The following INPP5A variants were observed in gnomAD, a reference collection of about 807,000 sequenced individuals.
INPP5A encodes the protein 43 kDa inositol polyphosphate 5-phophatase.
In INPP5A, 14 loss-of-function variants were observed where a neutral mutation model predicts 65.2. That is an observed-to-expected ratio of 0.21 (90% CI 0.14 to 0.34). INPP5A has a LOEUF of 0.34. Among genes scored for constraint, INPP5A ranks in the 10% least tolerant of loss-of-function variants. The pLI is 1.00. For missense variants in INPP5A, 431 were observed against 545.6 expected, an observed-to-expected ratio of 0.79 and a Z score of 2.09; for synonymous variants, 207 against 208.3, an observed-to-expected ratio of 0.99 and a Z score of 0.05.
chr10:132,647,396 G>A (rs1199623066), intron 3 of INPP5A, among the ~76,000 whole-genome samples: 2 of 152,162 alleles, frequency 1.3e-5, no homozygotes, highest in Non-Finnish European at 2.9e-5. Context: ...GGGATTACAG[G>A]CATGAACCAC....
At chr10:132,677,815 A>G (rs2072987105) in intron 4 of INPP5A, among the ~76,000 whole-genome samples, 1 of 152,220 alleles carries the variant, frequency 6.6e-6, no homozygotes, top group South Asian at 2.1e-4. Context: ...TGGGGACACT[A>G]CATCCAAGAG....
intron 5 of INPP5A, among the ~76,000 whole-genome samples, chr10:132,693,406 C>T (rs1845299273): frequency 6.6e-6 from 1 of 152,094 alleles, no homozygotes; most frequent in Non-Finnish European, 1.5e-5. Context: ...AAATACCCAA[C>T]TATATGTTGT....
chr10:132,583,447 C>T (rs905672164), intron 1 of INPP5A, among the ~76,000 whole-genome samples: 2 of 151,944 alleles, frequency 1.3e-5, no homozygotes, highest in East Asian at 1.9e-4. Flanking sequence ...GGTGAGTCGG[C>T]GTGGGGAGCT....
At chr10:132,636,573 G>A (rs1363805587) in intron 2 of INPP5A, among the ~76,000 whole-genome samples, 3 of 152,206 alleles carry the variant, frequency 2.0e-5, no homozygotes, top group Non-Finnish European at 4.4e-5. Context: ...GGTTGTGGAC[G>A]CACAGCCACC....
intron 4 of INPP5A, among the ~76,000 whole-genome samples, chr10:132,654,035 G>A (rs1178442657): frequency 6.6e-6 from 1 of 152,260 alleles, no homozygotes; most frequent in Non-Finnish European, 1.5e-5. Flanking sequence ...GCACCAGGGC[G>A]GCTGAACAGG....
At chr10:132,688,507 C>T (rs183747652) in intron 4 of INPP5A, among the ~76,000 whole-genome samples, 484 of 152,358 alleles carry the variant, frequency 3.2e-3, no homozygotes, top group Non-Finnish European at 5.8e-3. Flanking sequence ...CGTAGGGCAG[C>T]ATCTCAGCAG....
chr10:132,660,253 G>A (rs2072718207), intron 4 of INPP5A, among the ~76,000 whole-genome samples: 2 of 152,208 alleles, frequency 1.3e-5, no homozygotes, highest in South Asian at 4.1e-4. Flanking sequence ...AAAAATCAAT[G>A]TTGAAAACTG....
chr10:132,634,283 G>A (rs141732788), intron 2 of INPP5A, among the ~76,000 whole-genome samples: 1 of 149,830 alleles, frequency 6.7e-6, no homozygotes, highest in African/African-American at 2.5e-5. Context: ...CCCCGGAGAG[G>A]CGTATCATCT....
chr10:132,774,042 G>A (rs1847001883), intron 12 of INPP5A, among the ~76,000 whole-genome samples: 1 of 152,238 alleles, frequency 6.6e-6, no homozygotes, highest in East Asian at 1.9e-4. Context: ...GATGACAGGC[G>A]TGAGCCCCCA....
chr10:132,695,618 C>T (rs1267024932), intron 5 of INPP5A, among the ~76,000 whole-genome samples: 1 of 152,192 alleles, frequency 6.6e-6, no homozygotes, highest in Non-Finnish European at 1.5e-5. Context: ...CAATAACAGA[C>T]AAACCTGGTA....
At chr10:132,584,015 A>G (rs1590846963) in intron 1 of INPP5A, among the ~76,000 whole-genome samples, 3 of 152,352 alleles carry the variant, frequency 2.0e-5, no homozygotes, top group East Asian at 1.9e-4. Context: ...CACAGGAGGT[A>G]GAGGCTGCAG....
At chr10:132,723,779 G>A (rs373296817) in intron 8 of INPP5A, among the ~76,000 whole-genome samples, 3 of 152,108 alleles carry the variant, frequency 2.0e-5, no homozygotes, top group East Asian at 1.9e-4. Flanking sequence ...GGGCGTTGCC[G>A]CCCTCCCTCG....
chr10:132,765,716 G>A (rs772615768), intron 11 of INPP5A, 57 bp from the exon 12 acceptor site: 16 of 1,013,354 alleles, frequency 1.6e-5, no homozygotes, highest in East Asian at 2.4e-5. Flanking sequence ...ACAGACACAC[G>A]TGCCCCCAGC....
rs553983321 is a variant in INPP5A at position 132,678,062 on chromosome 10, CAG to C, written c.307-12329_307-12328del. On this transcript the variant is annotated intron_variant, in intron 4 of 15. Transcript: ENST00000368594. The surrounding 1 kb of genome is among the most constrained non-coding windows in gnomAD (Gnocchi z 4.1). The stretch of plus-strand genomic sequence containing the variant: ...GAGAGGGGCTCGGCAGGAGGCCAGA[CAG>C]GGGGACACCTTGGTGCCGTCATCCC... Among the ~76,000 whole-genome samples the C allele has an allele frequency of 1.8e-3, 278 of 152,370 alleles. 1 individual carries two copies. Among genetic ancestry groups the C allele is most frequent in the African/African-American group, 5.5e-3 (227 of 41,588 alleles).
At chr10:132,780,996 T>A (rs1321921359) in intron 14 of INPP5A, 79 bp downstream of exon 14, 3 of 187,056 alleles carry the variant, frequency 1.6e-5, no homozygotes, top group Non-Finnish European at 3.1e-5. Context: ...GGCCAGTGGG[T>A]GGGCGGGTGC....
intron 1 of INPP5A, among the ~76,000 whole-genome samples, chr10:132,571,721 C>T (rs559712804): frequency 9.2e-5 from 14 of 152,182 alleles, no homozygotes; most frequent in Admixed American, 4.6e-4. Flanking sequence ...GTAAGGACCT[C>T]GAGTGTCTGA....
At chr10:132,780,200 T>C (rs935202536) in intron 13 of INPP5A, among the ~76,000 whole-genome samples, 1 of 152,176 alleles carries the variant, frequency 6.6e-6, no homozygotes, top group Non-Finnish European at 1.5e-5. Context: ...GCTGTGGATA[T>C]AAAATTCCAG....
chr10:132,726,290 A>T (rs1488521012), intron 8 of INPP5A, among the ~76,000 whole-genome samples: 4 of 152,208 alleles, frequency 2.6e-5, no homozygotes, highest in Non-Finnish European at 5.9e-5. Flanking sequence ...GTCTGAGGGG[A>T]CATCCCTGTC....
intron 12 of INPP5A, among the ~76,000 whole-genome samples, chr10:132,770,662 C>T (rs951218299): frequency 6.6e-6 from 1 of 152,264 alleles, no homozygotes; most frequent in Non-Finnish European, 1.5e-5. Context: ...TGGTCATGGC[C>T]ATCAGTTTTT....
Sources: gnomAD v4.1 joint callset for allele counts (sites outside exome capture counted in the v4.1 genomes callset) on GRCh38, gnomAD v4.1.1 for gene constraint, Gnocchi (gnomAD v3.1) non-coding constraint, MANE v1.5 for transcripts, NCBI Gene and HGNC (gene_info 2026-07-23, HGNC 2026-07-21) for gene names.